SYT1: variants seen among roughly 807,000 people sequenced by gnomAD.
The protein encoded by SYT1 is synaptotagmin 1, also known as synaptotagmin-1.
SYT1 carries 8 observed loss-of-function variants against 44.8 expected under a neutral mutation model. The ratio of observed to expected loss-of-function variants is 0.18; its 90% CI spans 0.10 to 0.32. SYT1 has a LOEUF of 0.32. Ranked by LOEUF, SYT1 falls within the 10% of genes least tolerant of loss-of-function variation. SYT1 has a pLI of 1.00. For missense variants in SYT1, 286 were observed against 509.3 expected (o/e 0.56, Z 4.22); for synonymous variants, 154 against 188.8 (o/e 0.82, Z 1.51).
At chr12:79,275,610 A>G (rs559753166) in intron 4 of SYT1, among the ~76,000 whole-genome samples, 2 of 151,398 alleles carry the variant, frequency 1.3e-5, no homozygotes, top group Non-Finnish European at 1.5e-5. Context: ...AGCTGAGGTG[A>G]CTCCCTCCCT....
intron 1 of SYT1, among the ~76,000 whole-genome samples, chr12:78,947,936 T>A (rs1878758513): frequency 6.6e-6 from 1 of 151,982 alleles, no homozygotes; most frequent in African/African-American, 2.4e-5. Context: ...AATCCCTTCA[T>A]AGCCCACTAA....
intron 1 of SYT1, among the ~76,000 whole-genome samples, chr12:78,894,107 G>A (rs1248147828): frequency 1.3e-5 from 2 of 150,672 alleles, no homozygotes; most frequent in Non-Finnish European, 3.0e-5. Flanking sequence ...AATTGTACAA[G>A]TGTCAAGAAA....
intron 5 of SYT1, among the ~76,000 whole-genome samples, chr12:79,290,671 T>G (rs1377973913): frequency 1.3e-5 from 2 of 152,194 alleles, no homozygotes; most frequent in African/African-American, 4.8e-5. Context: ...TCTACAGTAA[T>G]ACATGCATGC....
At chr12:79,416,021 G>T (rs184729965) in intron 9 of SYT1, among the ~76,000 whole-genome samples, 152 of 152,302 alleles carry the variant, frequency 1.0e-3, no homozygotes, top group African/African-American at 3.5e-3. Flanking sequence ...CTGTGGAGTG[G>T]CATAGTCCCA....
chr12:79,416,707 G>C (rs77989615), intron 9 of SYT1, among the ~76,000 whole-genome samples: 1 of 152,116 alleles, frequency 6.6e-6, no homozygotes, highest in African/African-American at 2.4e-5. Flanking sequence ...CTAAAAGAAT[G>C]AGTAAAAAGT....
At chr12:79,429,666 C>T (rs1869662092) in intron 9 of SYT1, among the ~76,000 whole-genome samples, 1 of 152,086 alleles carries the variant, frequency 6.6e-6, no homozygotes, top group South Asian at 2.1e-4. Context: ...GTAGCTGGGA[C>T]TACAGGCACC....
chr12:79,097,312 C>G (rs1299323768), intron 3 of SYT1, among the ~76,000 whole-genome samples: 1 of 151,978 alleles, frequency 6.6e-6, no homozygotes, highest in Middle Eastern at 3.2e-3. Flanking sequence ...TAGGCCTAGT[C>G]CGTCTTAACT....
intron 8 of SYT1, among the ~76,000 whole-genome samples, chr12:79,352,634 CTTAA>C (rs1011399464): frequency 6.6e-6 from 1 of 151,962 alleles, no homozygotes; most frequent in Non-Finnish European, 1.5e-5. Context: ...TAATTTGGTT[CTTAA>C]TTAATCACCC....
intron 3 of SYT1, among the ~76,000 whole-genome samples, chr12:79,198,324 T>C (rs938832738): frequency 1.3e-5 from 2 of 152,152 alleles, no homozygotes; most frequent in Non-Finnish European, 2.9e-5. Flanking sequence ...AAGTAACCCA[T>C]AACAACCACA....
intron 2 of SYT1, among the ~76,000 whole-genome samples, chr12:79,012,868 T>G (rs1871509308): frequency 6.6e-6 from 1 of 152,162 alleles, no homozygotes; most frequent in Admixed American, 6.6e-5. Flanking sequence ...GTCCTTAATG[T>G]GGCTTGCTGT....
intron 3 of SYT1, among the ~76,000 whole-genome samples, chr12:79,214,941 ATGTGTG>A (rs71091652): frequency 0.055 from 8,200 of 148,452 alleles, 389 homozygotes; most frequent in African/African-American, 0.13. Context: ...ATGTGTGTAT[ATGTGTG>A]TGTGTGTGTG....
intron 1 of SYT1, among the ~76,000 whole-genome samples, chr12:78,936,461 G>C (rs896957616): frequency 2.6e-5 from 4 of 151,904 alleles, no homozygotes; most frequent in African/African-American, 9.7e-5. Context: ...TCTTTTAAGC[G>C]GCTTTTAGTA....
intron 1 of SYT1, among the ~76,000 whole-genome samples, chr12:78,914,068 G>A (rs1394638305): frequency 6.7e-5 from 10 of 149,332 alleles, no homozygotes; most frequent in Non-Finnish European, 3.0e-5. Context: ...GATAATATAG[G>A]TAAATTTATC....
intron 3 of SYT1, among the ~76,000 whole-genome samples, chr12:79,152,193 A>G (rs1257522509): frequency 1.3e-5 from 2 of 152,170 alleles, no homozygotes; most frequent in Non-Finnish European, 2.9e-5. Flanking sequence ...AAGAATGTGC[A>G]GATGTAGGGG....
rs371443314 is a variant in SYT1 at position 78,989,609 on chromosome 12, T to C, written c.-84+11678T>C. Among the ~76,000 whole-genome samples, 41 of 152,190 alleles carry C rather than the reference T, an allele frequency of 2.7e-4. No homozygotes were observed. In the East Asian group the frequency reaches 4.9e-3, roughly 18 times the overall value. ...TTTTAAAGTTAGCTCTCTTATCTGA[T>C]TGGGGAGAAGAGAGAAAATATCTTC... On this transcript the variant is annotated intron_variant, in intron 2 of 10. Coordinates refer to ENST00000261205, the MANE Select transcript of SYT1 (RefSeq NM_005639.3).
chr12:79,222,822 T>C (rs915548948), intron 4 of SYT1, among the ~76,000 whole-genome samples: 5 of 152,288 alleles, frequency 3.3e-5, no homozygotes, highest in Non-Finnish European at 5.9e-5. Context: ...TCTCTGACTA[T>C]TTTTAAATAG....
intron 9 of SYT1, among the ~76,000 whole-genome samples, chr12:79,416,103 T>A (rs1868722770): frequency 6.6e-6 from 1 of 152,052 alleles, no homozygotes; most frequent in African/African-American, 2.4e-5. Context: ...CCATTTCAAA[T>A]CCAAAGAACA....
chr12:79,158,757 T>G (rs1031214143), intron 3 of SYT1, among the ~76,000 whole-genome samples: 1 of 151,886 alleles, frequency 6.6e-6, no homozygotes, highest in Non-Finnish European at 1.5e-5. Context: ...AATATCTGGC[T>G]GTAGTGGAGC....
chr12:79,348,998 G>GGAAAGAAAGAAAGAAAGAAAGAAA (rs71865653), intron 8 of SYT1, among the ~76,000 whole-genome samples: 37 of 125,418 alleles, frequency 3.0e-4, no homozygotes, highest in African/African-American at 7.7e-4. Flanking sequence ...AAAGAGAGAA[G>GGAAAGAAAGAAAGAAAGAAAGAAA]GAAAGAAAGA....
Sources: allele counts gnomAD v4.1 joint callset (sites outside exome capture counted in the v4.1 genomes callset), GRCh38; gene constraint gnomAD v4.1.1; transcripts MANE v1.5; gene names NCBI Gene and HGNC (gene_info 2026-07-23, HGNC 2026-07-21).